MAN2A1: variants seen among roughly 807,000 people sequenced by gnomAD.
MAN2A1 encodes mannosidase alpha class 2A member 1.
In MAN2A1, 76 loss-of-function variants were observed where a neutral mutation model predicts 142.6. The observed-to-expected ratio is 0.53, with a 90% CI of 0.44 to 0.65. MAN2A1 has a LOEUF of 0.65. Among genes scored for constraint, MAN2A1 ranks in the 30% least tolerant of loss-of-function variants. The pLI, the probability that MAN2A1 is intolerant of heterozygous loss-of-function variation, is 0.00. For synonymous variants in MAN2A1, 559 were observed against 473.2 expected (o/e 1.18, Z -2.35); for missense variants, 1,311 against 1,365.1 (o/e 0.96, Z 0.62).
At chr5:109,796,884 C>T (rs1020842742) in intron 12 of MAN2A1, among the ~76,000 whole-genome samples, 16 of 152,154 alleles carry the variant, frequency 1.1e-4, no homozygotes, top group African/African-American at 3.1e-4. Flanking sequence ...ACAAACTGGC[C>T]ATGTCATTTA....
At chr5:109,767,276 G>A (rs1266366951) in intron 5 of MAN2A1, among the ~76,000 whole-genome samples, 2 of 152,074 alleles carry the variant, frequency 1.3e-5, no homozygotes, top group African/African-American at 4.8e-5. Context: ...AGATGTTAAT[G>A]GCTAAAAGAT....
At chr5:109,707,745 A>G (rs999105180) in intron 1 of MAN2A1, among the ~76,000 whole-genome samples, 3 of 152,096 alleles carry the variant, frequency 2.0e-5, no homozygotes, top group Non-Finnish European at 2.9e-5. Context: ...CGGAGATAAG[A>G]TGAAGGTGAA....
chr5:109,822,362 A>C (rs10515405), intron 15 of MAN2A1, among the ~76,000 whole-genome samples: 66,916 of 151,724 alleles, frequency 0.44, 15,717 homozygotes, highest in African/African-American at 0.61. Flanking sequence ...ATAGAATTTC[A>C]TGCGTAGATA....
intron 20 of MAN2A1, chr5:109,863,182 G>A (rs969279094): frequency 2.6e-5 from 4 of 152,068 alleles, no homozygotes; most frequent in African/African-American, 4.8e-5. Flanking sequence ...TAATGAAGAG[G>A]GTTTCTAATC....
intron 7 of MAN2A1, 31 bp from the exon 8 acceptor site, chr5:109,774,754 ATTT>A: frequency 6.5e-7 from 1 of 1,538,212 alleles, no homozygotes; most frequent in Non-Finnish European, 8.8e-7. Context: ...TCAAATTCAT[ATTT>A]GCTGTTTTTT....
chr5:109,710,943 G>C (rs1582812064), intron 1 of MAN2A1, among the ~76,000 whole-genome samples: 1 of 152,256 alleles, frequency 6.6e-6, no homozygotes, highest in South Asian at 2.1e-4. Context: ...GCCCGCTTCG[G>C]ACTCCCAAAG....
chr5:109,769,729 C>G (rs892969732), intron 6 of MAN2A1, among the ~76,000 whole-genome samples: 37 of 151,888 alleles, frequency 2.4e-4, no homozygotes, highest in Non-Finnish European at 2.9e-5. Flanking sequence ...TTTTTCTTTT[C>G]CTGTGCTTCT....
intron 1 of MAN2A1, among the ~76,000 whole-genome samples, chr5:109,698,407 A>T (rs1750875433): frequency 6.6e-6 from 1 of 152,240 alleles, no homozygotes; most frequent in African/African-American, 2.4e-5. Flanking sequence ...GCTGTGACAC[A>T]GGCTAACACC....
At chr5:109,762,560 G>A (rs1752880420) in intron 5 of MAN2A1, among the ~76,000 whole-genome samples, 1 of 152,114 alleles carries the variant, frequency 6.6e-6, no homozygotes. Context: ...TGCTGAAATG[G>A]AGTTGGAGCT....
intron 5 of MAN2A1, among the ~76,000 whole-genome samples, chr5:109,762,211 T>C (rs1257111745): frequency 6.6e-6 from 1 of 152,170 alleles, no homozygotes; most frequent in African/African-American, 2.4e-5. Context: ...TCTACAACTT[T>C]TGTATCTATC....
chr5:109,822,434 A>G (rs999162282), intron 15 of MAN2A1, among the ~76,000 whole-genome samples: 2 of 152,184 alleles, frequency 1.3e-5, no homozygotes, highest in Non-Finnish European at 2.9e-5. Flanking sequence ...AGATAGAAAG[A>G]TAAAACAATT....
intron 4 of MAN2A1, among the ~76,000 whole-genome samples, chr5:109,742,460 A>T (rs1752295875): frequency 6.6e-6 from 1 of 152,168 alleles, no homozygotes. Context: ...TTTTTCCCCT[A>T]GGTTTATATT....
intron 4 of MAN2A1, among the ~76,000 whole-genome samples, chr5:109,732,776 T>A (rs1751955503): frequency 6.6e-6 from 1 of 152,158 alleles, no homozygotes; most frequent in Non-Finnish European, 1.5e-5. Context: ...CCTTGTAGTA[T>A]AGTTTGAAGT....
At chr5:109,704,772 G>C (rs536077846) in intron 1 of MAN2A1, among the ~76,000 whole-genome samples, 1 of 152,140 alleles carries the variant, frequency 6.6e-6, no homozygotes, top group Non-Finnish European at 1.5e-5. Context: ...TTACCAAATC[G>C]CAGTTCCTAT....
At chr5:109,783,149 G>T (rs1479614688) in intron 9 of MAN2A1, among the ~76,000 whole-genome samples, 1 of 152,002 alleles carries the variant, frequency 6.6e-6, no homozygotes, top group Non-Finnish European at 1.5e-5. Context: ...AAGAATATTG[G>T]TTTATCTTAA....
At chr5:109,708,925 C>T (rs933386189) in intron 1 of MAN2A1, among the ~76,000 whole-genome samples, 4 of 152,206 alleles carry the variant, frequency 2.6e-5, no homozygotes, top group African/African-American at 9.6e-5. Context: ...ATCTTCTCCA[C>T]TTAGTCCACT....
At chr5:109,790,851 C>A (rs1753720167) in intron 12 of MAN2A1, among the ~76,000 whole-genome samples, 1 of 151,994 alleles carries the variant, frequency 6.6e-6, no homozygotes, top group Non-Finnish European at 1.5e-5. Flanking sequence ...TGCTCTTATG[C>A]TGGGTGCAGT....
chr5:109,798,940 C>A (rs1321671485), intron 12 of MAN2A1, among the ~76,000 whole-genome samples: 1 of 152,134 alleles, frequency 6.6e-6, no homozygotes, highest in Non-Finnish European at 1.5e-5. Context: ...GATCCGCCCA[C>A]CTCAGCCTCC....
rs559719722 is a variant in MAN2A1, at chr5:109,833,254, T to C, written c.2567-9074T>C. On this transcript the variant is annotated intron_variant, in intron 16 of 21. Transcript: ENST00000261483. Reference sequence around the variant, plus strand: ...GCGGCCAGGCAGAGACGCTCCTCGCTTCCCAGACAGGGTGGCGGCCGGGCA... The same window carrying C: ...GCGGCCAGGCAGAGACGCTCCTCGCCTCCCAGACAGGGTGGCGGCCGGGCA... Among the ~76,000 whole-genome samples, 8 of 151,272 alleles carry C rather than the reference T, an allele frequency of 5.3e-5. No individual in the cohort carries two copies. The East Asian group carries it at 1.6e-3, about 30-fold the overall frequency.
Sources: allele counts gnomAD v4.1 joint callset (sites outside exome capture counted in the v4.1 genomes callset), GRCh38; gene constraint gnomAD v4.1.1; transcripts MANE v1.5; gene names NCBI Gene and HGNC (gene_info 2026-07-23, HGNC 2026-07-21).